The following CSNK1G1 variants were observed in gnomAD, a reference collection of about 807,000 sequenced individuals.
CSNK1G1 encodes casein kinase I isoform gamma-1.
In CSNK1G1, 22 loss-of-function variants were observed where a neutral mutation model predicts 59.6. That is an observed-to-expected ratio of 0.37 (90% confidence interval 0.26 to 0.53). The LOEUF (loss-of-function observed/expected upper bound fraction) is 0.53, where lower values mean the gene tolerates loss of function less well. Ranked by LOEUF, CSNK1G1 falls within the 20% of genes least tolerant of loss-of-function variation. CSNK1G1 has a pLI of 0.89. For missense variants in CSNK1G1, 384 were observed against 519.5 expected (o/e 0.74, Z 2.54); for synonymous variants, 179 against 177.1 (o/e 1.01, Z -0.08).
chr15:64,166,934 C>T lies in CSNK1G1; in HGVS notation c.*4997G>A, dbSNP rs759991117. ...AATAAAAGAAATTCTGTCTACAGAA[C>T]GGAGGTTTCTTTGTAACATCAGGTT... is the stretch of plus-strand genomic sequence containing the variant. On this transcript the variant is annotated 3_prime_UTR_variant, in exon 12 of 12. Transcript: ENST00000303052. This position sits in a 1 kb window ranked among gnomAD's most constrained non-coding sequence, Gnocchi z 4.5. The T allele has an allele frequency of 7.2e-5, 11 of 152,458 alleles. No individual in the cohort carries two copies. Among genetic ancestry groups the T allele is most frequent in the African/African-American group, 1.7e-4 (7 of 41,566 alleles). The allele number at this position is 152,458 out of a possible 1,614,324, so 9.4% of individuals were successfully genotyped here. A position where few individuals can be genotyped will look rare whatever the true frequency, so the allele number is the denominator to read the frequency against.
At chr15:64,207,419 A>G in intron 7 of CSNK1G1, 90 bp downstream of exon 7, 3 of 946,720 alleles carry the variant, frequency 3.2e-6, no homozygotes, top group Non-Finnish European at 5.0e-6. Context: ...CCAGCCCCCT[A>G]CACATTTCTT....
rs1265220619 is a variant in CSNK1G1 at position 64,171,821 on chromosome 15, G to A, written c.*110C>T. The stretch of plus-strand genomic sequence containing the variant: ...GCATCTGTTTTCTTCTTTTTGGTTT[G>A]GATATCCACCCTCCCCCAAAGAGGA... On this transcript the variant is annotated 3_prime_UTR_variant, in exon 12 of 12. Coordinates refer to ENST00000303052, the MANE Select transcript of CSNK1G1 (RefSeq NM_022048.5). This position sits in a 1 kb window ranked among gnomAD's most constrained non-coding sequence, Gnocchi z 4.8. The A allele has an allele frequency of 7.1e-6, 7 of 979,524 alleles. No individual in the cohort carries two copies. The highest frequency in any genetic ancestry group is 1.1e-5 in the Non-Finnish European group (7 of 614,022). 60.7% of individuals were successfully genotyped at this position (979,524 alleles called of 1,614,324 possible). A position where few individuals can be genotyped will look rare whatever the true frequency, so the allele number is the denominator to read the frequency against.
intron 10 of CSNK1G1, among the ~76,000 whole-genome samples, chr15:64,197,646 C>T (rs1445009264): frequency 6.6e-6 from 1 of 152,216 alleles, no homozygotes; most frequent in Admixed American, 6.5e-5. Context: ...ACTCCCTCTA[C>T]ATCTCAAGGG....
Position 64,210,932 on chromosome 15 carries a change from A to AC in CSNK1G1, c.679+2957dup, listed in dbSNP as rs1215108368. On this transcript the variant is annotated intron_variant, in intron 6 of 11. Transcript: ENST00000303052. The surrounding 1 kb of genome is among the most constrained non-coding windows in gnomAD (Gnocchi z 4.2). Reference sequence around the variant, plus strand: ...AGCAGGTTGGTGAGAAGAGCCTAGCACCCCCCTTCCCATGTGATCTGCACA... The same window carrying AC: ...AGCAGGTTGGTGAGAAGAGCCTAGCACCCCCCCTTCCCATGTGATCTGCACA... Among the ~76,000 whole-genome samples the AC allele has an allele frequency of 2.0e-5, 3 of 151,486 alleles. No individual in the cohort carries two copies. Among genetic ancestry groups the AC allele is most frequent in the East Asian group, 3.9e-4 (2 of 5,166 alleles).
intron 2 of CSNK1G1, among the ~76,000 whole-genome samples, chr15:64,276,893 G>A (rs1893651706): frequency 6.7e-6 from 1 of 149,548 alleles, no homozygotes; most frequent in Non-Finnish European, 1.5e-5. Flanking sequence ...CTTGCAGTGA[G>A]CCAAGATCGC....
At chr15:64,197,991 T>A (rs1285772611) in intron 10 of CSNK1G1, among the ~76,000 whole-genome samples, 2 of 152,018 alleles carry the variant, frequency 1.3e-5, no homozygotes, top group Admixed American at 1.3e-4. Flanking sequence ...GCTAAAAGCA[T>A]GTCAAATGCA....
intron 4 of CSNK1G1, among the ~76,000 whole-genome samples, chr15:64,238,518 A>AATATATATATAT (rs1212005568): frequency 5.3e-4 from 26 of 49,242 alleles, no homozygotes; most frequent in African/African-American, 2.6e-3. Flanking sequence ...AAAAAAAAAA[A>AATATATATATAT]ATATATATAT....
intron 2 of CSNK1G1, among the ~76,000 whole-genome samples, chr15:64,260,637 C>G (rs1023596970): frequency 5.3e-5 from 8 of 152,050 alleles, no homozygotes; most frequent in African/African-American, 1.9e-4. Flanking sequence ...ACTTGGGAGG[C>G]TGAGGTGGGA....
At position 64,171,855 on chromosome 15, in the gene CSNK1G1, C is replaced by T; in HGVS notation, c.*76G>A. On this transcript the variant is annotated 3_prime_UTR_variant, in exon 12 of 12. Transcript: ENST00000303052. This position sits in a 1 kb window ranked among gnomAD's most constrained non-coding sequence, Gnocchi z 4.8. Reference sequence around the variant, plus strand: ...CCCTCCCCCAAAGAGGAGTCCCTTCCAATGAGAAATGGCAGGAGCTGCAGG... The same window carrying T: ...CCCTCCCCCAAAGAGGAGTCCCTTCTAATGAGAAATGGCAGGAGCTGCAGG... 1 of 1,257,248 alleles carries T rather than the reference C, an allele frequency of 8.0e-7. No individual in the cohort carries two copies. Among genetic ancestry groups the T allele is most frequent in the Non-Finnish European group, 1.2e-6 (1 of 854,876 alleles). The allele number at this position is 1,257,248 out of a possible 1,614,324, so 77.9% of individuals were successfully genotyped here. A position where few individuals can be genotyped will look rare whatever the true frequency, so the allele number is the denominator to read the frequency against.
chr15:64,256,355 G>A (rs1280977398), intron 3 of CSNK1G1, among the ~76,000 whole-genome samples: 3 of 152,286 alleles, frequency 2.0e-5, no homozygotes, highest in African/African-American at 4.8e-5. Flanking sequence ...TCAATCTGAC[G>A]TTGGGTAGCC....
intron 1 of CSNK1G1, among the ~76,000 whole-genome samples, chr15:64,313,605 T>C (rs1896109671): frequency 1.3e-5 from 2 of 149,936 alleles, no homozygotes; most frequent in African/African-American, 4.9e-5. Flanking sequence ...TGTTGGGGGG[T>C]GTGGGGCTAG....
At chr15:64,270,788 G>A (rs1893257055) in intron 2 of CSNK1G1, among the ~76,000 whole-genome samples, 1 of 151,274 alleles carries the variant, frequency 6.6e-6, no homozygotes, top group South Asian at 2.1e-4. Context: ...TACCTGAGCT[G>A]TGTCCCAGAG....
At chr15:64,305,293 T>A (rs1478829688) in intron 1 of CSNK1G1, among the ~76,000 whole-genome samples, 4 of 152,180 alleles carry the variant, frequency 2.6e-5, no homozygotes, top group East Asian at 1.9e-4. Flanking sequence ...AAAAATGATA[T>A]CTGTGTGCTC....
chr15:64,226,567 C>T (rs947407803), intron 4 of CSNK1G1, among the ~76,000 whole-genome samples: 8 of 149,228 alleles, frequency 5.4e-5, no homozygotes, highest in African/African-American at 2.0e-4. Flanking sequence ...AACAAACAAA[C>T]AAACAAACAA....
intron 4 of CSNK1G1, among the ~76,000 whole-genome samples, chr15:64,221,005 T>C (rs2082381847): frequency 6.6e-6 from 1 of 152,224 alleles, no homozygotes; most frequent in African/African-American, 2.4e-5. Context: ...CTGATGGCTG[T>C]GGAGTAACCA....
chr15:64,265,818 G>A, intron 2 of CSNK1G1: 1 of 456,602 alleles, frequency 2.2e-6, no homozygotes, highest in South Asian at 1.5e-5. Flanking sequence ...AGTGGCTTAT[G>A]CCTATTACTG....
chr15:64,207,376 G>GCTGGGATTACAGGCATGAGC lies in CSNK1G1; in HGVS notation c.765+113_765+132dup. ...TCCTCCCACCTCAGCCTCCCAAAGT[G>GCTGGGATTACAGGCATGAGC]CTGGGATTACAGGCATGAGCCACCG... On this transcript the variant is annotated intron_variant, in intron 7 of 11. Coordinates refer to ENST00000303052, the MANE Select transcript of CSNK1G1 (RefSeq NM_022048.5). The GCTGGGATTACAGGCATGAGC allele has an allele frequency of 4.9e-6, 3 of 608,170 alleles. No individual in the cohort carries two copies. In the South Asian group the frequency reaches 5.9e-5, roughly 12 times the overall value. 37.7% of individuals were successfully genotyped at this position (608,170 alleles called of 1,614,324 possible).
chr15:64,352,398 T>C (rs1353777001), intron 1 of CSNK1G1, among the ~76,000 whole-genome samples: 1 of 149,396 alleles, frequency 6.7e-6, no homozygotes, highest in African/African-American at 2.5e-5. Flanking sequence ...GAAAGCTAAA[T>C]AACCTTACCA....
intron 1 of CSNK1G1, among the ~76,000 whole-genome samples, chr15:64,329,507 T>C: frequency 1.5e-5 from 2 of 137,510 alleles, no homozygotes; most frequent in African/African-American, 2.8e-5. Flanking sequence ...CCAGAATCTC[T>C]GGGATGCATT....
Sources: gnomAD v4.1 joint callset for allele counts (sites outside exome capture counted in the v4.1 genomes callset) on GRCh38, gnomAD v4.1.1 for gene constraint, Gnocchi (gnomAD v3.1) non-coding constraint, MANE v1.5 for transcripts, NCBI Gene and HGNC (gene_info 2026-07-23, HGNC 2026-07-21) for gene names.